Variants in RAI14 observed in about 807,000 individuals in gnomAD.
RAI14 encodes retinoic acid induced 14, also known as ankycorbin.
RAI14 carries 45 observed loss-of-function variants against 115.4 expected under a neutral mutation model. That is an observed-to-expected ratio of 0.39 (90% confidence interval 0.31 to 0.50). The LOEUF is 0.50. Ranked by LOEUF, RAI14 falls within the 20% of genes least tolerant of loss-of-function variation. The pLI is 0.85. For missense variants in RAI14, 939 were observed against 1,131.2 expected, an observed-to-expected ratio of 0.83 and a Z score of 2.44; for synonymous variants, 371 against 415.4, an observed-to-expected ratio of 0.89 and a Z score of 1.30.
chr5:34,756,123 C>T (rs1289704935), intron 2 of RAI14, among the ~76,000 whole-genome samples: 1 of 152,178 alleles, frequency 6.6e-6, no homozygotes, highest in East Asian at 1.9e-4. Context: ...TCTTTTATCC[C>T]TCCCTGGCTT....
chr5:34,681,195 T>C (rs150501833), intron 1 of RAI14, among the ~76,000 whole-genome samples: 69 of 152,310 alleles, frequency 4.5e-4, no homozygotes, highest in Admixed American at 7.2e-4. Context: ...TTTGCTGGAT[T>C]GAGAGAATTG....
intron 3 of RAI14, among the ~76,000 whole-genome samples, chr5:34,765,125 T>A (rs369035561): frequency 6.6e-6 from 1 of 152,240 alleles, no homozygotes; most frequent in Non-Finnish European, 1.5e-5. Context: ...CATGTGGAAC[T>A]GTAAGTCCAA....
intron 2 of RAI14, among the ~76,000 whole-genome samples, chr5:34,692,858 G>A (rs753826465): frequency 2.6e-5 from 4 of 152,174 alleles, no homozygotes; most frequent in Non-Finnish European, 5.9e-5. Context: ...CTAAAGAAAT[G>A]TATTGTCTCA....
At chr5:34,665,424 A>T (rs1176613858) in intron 1 of RAI14, among the ~76,000 whole-genome samples, 2 of 150,712 alleles carry the variant, frequency 1.3e-5, no homozygotes, top group East Asian at 1.9e-4. Context: ...ACTGATGGAG[A>T]ATAAAAGGCC....
At chr5:34,798,833 A>G (rs1411716893) in intron 4 of RAI14, among the ~76,000 whole-genome samples, 2 of 152,212 alleles carry the variant, frequency 1.3e-5, no homozygotes, top group East Asian at 3.8e-4. Flanking sequence ...GTGGGAACCA[A>G]TTGAAATTGG....
rs148157941 is a variant in RAI14 at position 34,809,045 on chromosome 5, C to T, written c.450+391C>T. On this transcript the variant is annotated intron_variant, in intron 7 of 17. Coordinates refer to ENST00000265109, the MANE Select transcript of RAI14 (RefSeq NM_015577.3). Reference sequence around the variant, plus strand: ...TGATCTGCAGCCCCTGGGTTGGGTACTCCTGTTTTAGACAACTAAGTATTG... The same window carrying T: ...TGATCTGCAGCCCCTGGGTTGGGTATTCCTGTTTTAGACAACTAAGTATTG... Among the ~76,000 whole-genome samples, 1,000 of 152,284 alleles carry T rather than the reference C, an allele frequency of 6.6e-3. 6 individuals carry two copies. Among genetic ancestry groups the T allele is most frequent in the African/African-American group, 0.021 (887 of 41,556 alleles).
chr5:34,762,380 C>T (rs896124315), intron 3 of RAI14, among the ~76,000 whole-genome samples: 1 of 152,116 alleles, frequency 6.6e-6, no homozygotes, highest in Non-Finnish European at 1.5e-5. Context: ...CACAGACGTT[C>T]TCCAGAAGCC....
At chr5:34,784,779 C>T (rs896385964) in intron 3 of RAI14, among the ~76,000 whole-genome samples, 9 of 152,224 alleles carry the variant, frequency 5.9e-5, no homozygotes, top group Admixed American at 1.3e-4. Context: ...AGCTCTGGCT[C>T]AGCTTCTTTT....
At chr5:34,708,495 C>T (rs1335817800) in intron 2 of RAI14, among the ~76,000 whole-genome samples, 1 of 152,180 alleles carries the variant, frequency 6.6e-6, no homozygotes, top group Non-Finnish European at 1.5e-5. Flanking sequence ...AGCCACCGCA[C>T]CTGGCCAAAG....
In RAI14 at chr5:34,814,675, T is replaced by C; in HGVS notation, c.939+6T>C. On this transcript the variant is annotated splice_donor_region_variant and intron_variant, in intron 12 of 17. Transcript: ENST00000265109. ...TTGCTGAACCACCCTTCAAGGTATT[T>C]CCTTTCTGTATTCAGTTTTGTTACT... The C allele has an allele frequency of 6.3e-7, 1 of 1,589,966 alleles. No homozygotes were observed. The highest frequency in any genetic ancestry group is 8.6e-7 in the Non-Finnish European group (1 of 1,158,130).
At chr5:34,811,687 T>C in intron 8 of RAI14, 80 bp from the exon 9 acceptor site, 3 of 1,311,000 alleles carry the variant, frequency 2.3e-6, no homozygotes, top group Non-Finnish European at 3.1e-6. Context: ...TTCTTTTCTC[T>C]TTTTTTAAGA....
At chr5:34,815,241 C>G (rs1580349392) in intron 12 of RAI14, among the ~76,000 whole-genome samples, 1 of 151,974 alleles carries the variant, frequency 6.6e-6, no homozygotes, top group East Asian at 1.9e-4. Context: ...ATTAGCTGGG[C>G]ATGATGGTGC....
intron 3 of RAI14, among the ~76,000 whole-genome samples, chr5:34,758,240 G>C (rs550266870): frequency 6.6e-6 from 1 of 152,284 alleles, no homozygotes; most frequent in East Asian, 1.9e-4. Flanking sequence ...CTATAAAATG[G>C]AGATGGTATT....
At chr5:34,829,405 C>T (rs1757798241) in intron 16 of RAI14, among the ~76,000 whole-genome samples, 2 of 152,126 alleles carry the variant, frequency 1.3e-5, no homozygotes, top group South Asian at 4.1e-4. Flanking sequence ...CCAGGCTGGT[C>T]TCAAACTCCT....
At position 34,830,834 on chromosome 5, in the gene RAI14, C is replaced by T; in HGVS notation, c.*69C>T. On this transcript the variant is annotated 3_prime_UTR_variant, in exon 18 of 18. Coordinates refer to ENST00000265109, the MANE Select transcript of RAI14 (RefSeq NM_015577.3). The stretch of plus-strand genomic sequence containing the variant: ...GTGTTAGATCCAGAGTTGTCGGCAG[C>T]CGCTGCCATTGTTCTCATTCGTGGT... The T allele has an allele frequency of 6.2e-7, 1 of 1,601,008 alleles. No homozygotes were observed. Among genetic ancestry groups the T allele is most frequent in the Non-Finnish European group, 8.5e-7 (1 of 1,173,056 alleles).
intron 2 of RAI14, chr5:34,688,056 C>T: frequency 2.8e-6 from 4 of 1,438,628 alleles, no homozygotes; most frequent in Non-Finnish European, 2.8e-6. Context: ...ATCTTACCTT[C>T]TTATCCTTTA....
chr5:34,778,247 C>T (rs1217896264), intron 3 of RAI14, among the ~76,000 whole-genome samples: 2 of 152,156 alleles, frequency 1.3e-5, no homozygotes, highest in African/African-American at 2.4e-5. Context: ...TACATGGAAC[C>T]AGCTCGGGAT....
chr5:34,687,719 C>T (rs1359539652), intron 2 of RAI14: 11 of 1,551,348 alleles, frequency 7.1e-6, no homozygotes, highest in Non-Finnish European at 8.7e-6. Context: ...AGATGGAAGC[C>T]AAGGTATGTC....
intron 2 of RAI14, among the ~76,000 whole-genome samples, chr5:34,712,779 A>G (rs1474614820): frequency 6.6e-6 from 1 of 152,146 alleles, no homozygotes; most frequent in Non-Finnish European, 1.5e-5. Context: ...TCTCTTTATT[A>G]CAGGACTTCT....
Sources: gnomAD v4.1 joint callset for allele counts (sites outside exome capture counted in the v4.1 genomes callset) on GRCh38, gnomAD v4.1.1 for gene constraint, MANE v1.5 for transcripts, NCBI Gene and HGNC (gene_info 2026-07-23, HGNC 2026-07-21) for gene names.